ANKRD30A: variants seen among roughly 807,000 people sequenced by gnomAD.
The protein encoded by ANKRD30A is ankyrin repeat domain-containing protein 30A.
ANKRD30A carries 170 observed loss-of-function variants against 166.3 expected under a neutral mutation model. That is an observed-to-expected ratio of 1.02 (90% CI 0.90 to 1.16). The LOEUF (loss-of-function observed/expected upper bound fraction) is 1.16. Ranked by LOEUF, ANKRD30A falls within the 50% of genes most tolerant of loss-of-function variation. ANKRD30A has a pLI of 0.00. For synonymous variants in ANKRD30A, 564 were observed against 508.9 expected (o/e 1.11, Z -1.46); for missense variants, 1,630 against 1,518.0 (o/e 1.07, Z -1.23).
At chr10:37,206,719 A>G (rs556175219) in intron 31 of ANKRD30A, among the ~76,000 whole-genome samples, 3 of 152,164 alleles carry the variant, frequency 2.0e-5, no homozygotes, top group African/African-American at 7.2e-5. Flanking sequence ...GCTTGAACCC[A>G]GGGGGCAGAG....
intron 15 of ANKRD30A, among the ~76,000 whole-genome samples, chr10:37,162,150 AC>A (rs1379263923): frequency 1.6e-4 from 24 of 152,286 alleles, no homozygotes; most frequent in South Asian, 6.2e-4. Context: ...ATGGAAAAAA[AC>A]AAATATTCAT....
At chr10:37,220,665 T>C (rs576435094) in intron 34 of ANKRD30A, among the ~76,000 whole-genome samples, 1 of 151,332 alleles carries the variant, frequency 6.6e-6, no homozygotes, top group African/African-American at 2.4e-5. Flanking sequence ...AATAATTTGC[T>C]CATAATTTCT....
chr10:37,190,163 G>A (rs912416609), intron 25 of ANKRD30A, among the ~76,000 whole-genome samples: 1 of 151,864 alleles, frequency 6.6e-6, no homozygotes, highest in African/African-American at 2.4e-5. Context: ...TATACACTCT[G>A]TATAGACCAG....
At chr10:37,196,910 A>C (rs1841177615) in intron 27 of ANKRD30A, among the ~76,000 whole-genome samples, 1 of 152,206 alleles carries the variant, frequency 6.6e-6, no homozygotes, top group Non-Finnish European at 1.5e-5. Context: ...CTTTCCGAAG[A>C]TAGGCTATGT....
chr10:37,192,366 T>C (rs554872743), intron 25 of ANKRD30A, among the ~76,000 whole-genome samples: 22 of 152,124 alleles, frequency 1.4e-4, no homozygotes, highest in Middle Eastern at 3.4e-3. Context: ...TTGATGGGTA[T>C]GCTTGGACCT....
intron 29 of ANKRD30A, among the ~76,000 whole-genome samples, chr10:37,198,238 AT>A (rs1033553714): frequency 2.0e-5 from 3 of 152,120 alleles, no homozygotes; most frequent in African/African-American, 7.2e-5. Flanking sequence ...AATATGTACA[AT>A]TTTTTTCAAC....
chr10:37,216,420 T>C (rs1182287829), intron 32 of ANKRD30A, 26 bp downstream of exon 32: 22 of 1,552,542 alleles, frequency 1.4e-5, no homozygotes, highest in Non-Finnish European at 1.7e-5. Context: ...TTTAAATAAA[T>C]ATTTCAGCTA....
intron 33 of ANKRD30A, 92 bp downstream of exon 33, chr10:37,217,970 G>C (rs778391349): frequency 2.3e-5 from 21 of 895,066 alleles, no homozygotes; most frequent in Non-Finnish European, 3.1e-5. Context: ...GTATTATTCA[G>C]GTCTAAATCA....
intron 34 of ANKRD30A, among the ~76,000 whole-genome samples, chr10:37,229,536 C>T (rs2132764217): frequency 6.6e-6 from 1 of 151,996 alleles, no homozygotes; most frequent in Middle Eastern, 3.4e-3. Flanking sequence ...GTTTTGGAAG[C>T]ATATCATAAA....
intron 34 of ANKRD30A, among the ~76,000 whole-genome samples, chr10:37,225,993 T>C (rs1326514427): frequency 6.6e-6 from 1 of 151,794 alleles, no homozygotes; most frequent in Non-Finnish European, 1.5e-5. Flanking sequence ...ACCACCGATC[T>C]ACTGTGTTTG....
At chr10:37,247,113 A>G in the ANKRD30A span, among the ~76,000 whole-genome samples, 1 of 152,336 alleles carries the variant, frequency 6.6e-6, no homozygotes, top group South Asian at 2.1e-4. Context: ...ATCTCATTCT[A>G]TGAAATACAA....
the ANKRD30A span, among the ~76,000 whole-genome samples, chr10:37,252,514 T>C: frequency 6.6e-6 from 1 of 152,214 alleles, no homozygotes; most frequent in Non-Finnish European, 1.5e-5. Context: ...ACCTATAGCT[T>C]ATTACTGTTC....
At position 37,201,250 on chromosome 10, in the gene ANKRD30A, G is replaced by A. The variant is rs1362959825; in HGVS notation, c.2794G>A (p.Val932Ile). 4.4e-6 allele frequency: 7 copies of A among 1,584,476 alleles called. No individual in the cohort carries two copies. Among genetic ancestry groups the A allele is most frequent in the Admixed American group, 3.7e-5 (2 of 54,268 alleles). The part of the protein sequence containing the change: ...SWDSESLRET[V>I]SQKDVCVPKA... ...CTTTTAACAGAGTCTCCGTGAGACT[G>A]TTTCACAGAAGGATGTGTGTGTACC... The change falls in exon 31 of 36, where the codon GTT (valine) becomes ATT (isoleucine). Residue 932 changes from valine (V) to isoleucine (I), a missense_variant. Val to Ile is a conservative substitution (Grantham distance 29). Around this residue, in one of 4 missense-constraint regions of ANKRD30A, gnomAD observed 712 missense variants for 629.3 expected, o/e 1.13. Coordinates refer to ENST00000361713, the MANE Select transcript of ANKRD30A (RefSeq NM_052997.3).
At chr10:37,237,587 T>A in the ANKRD30A span, among the ~76,000 whole-genome samples, 1 of 152,182 alleles carries the variant, frequency 6.6e-6, no homozygotes, top group Non-Finnish European at 1.5e-5. Context: ...ATGTATAATT[T>A]TCTCACCTTC....
intron 3 of ANKRD30A, among the ~76,000 whole-genome samples, chr10:37,131,634 T>C (rs887423412): frequency 6.6e-6 from 1 of 152,166 alleles, no homozygotes. Context: ...AGAGGAAACC[T>C]CCATTTTTCT....
rs184184407 is a variant in ANKRD30A at position 37,137,682 on chromosome 10, C to T, written c.820+1011C>T. ...GGTGACAGTGAGGTTGGGGGAGGGA[C>T]GCTTACCATTGCCGAGGCTTGAGTA... On this transcript the variant is annotated intron_variant, in intron 6 of 35. Coordinates refer to ENST00000361713, the MANE Select transcript of ANKRD30A (RefSeq NM_052997.3). Among the ~76,000 whole-genome samples the T allele has an allele frequency of 1.8e-3, 277 of 152,246 alleles. 2 individuals carry two copies. The highest frequency in any genetic ancestry group is 0.016 in the Admixed American group (247 of 15,302).
At chr10:37,196,381 A>G (rs1588899238) in intron 27 of ANKRD30A, among the ~76,000 whole-genome samples, 1 of 152,136 alleles carries the variant, frequency 6.6e-6, no homozygotes, top group African/African-American at 2.4e-5. Context: ...AGCTATTGAA[A>G]TGAGATATAT....
rs749744213 is a variant in ANKRD30A at position 37,130,323 on chromosome 10, T to C, written c.455T>C (p.Leu152Ser). ...CATTATGCTGTTTATAGTGAGATTT[T>C]GTCAGTGGTGGCAAAACTGCTGTCC... ...ALHYAVYSEI[L>S]SVVAKLLSHG... Residue 152 changes from leucine (L) to serine (S), a missense_variant, in exon 3 of 36, where the codon TTG (leucine) becomes TCG (serine). Transcript: ENST00000361713. 2 of 1,589,254 alleles carry C rather than the reference T, an allele frequency of 1.3e-6. No homozygotes were observed. Among genetic ancestry groups the C allele is most frequent in the Non-Finnish European group, 1.7e-6 (2 of 1,168,504 alleles).
At chr10:37,145,703 A>G (rs1207000987) in intron 8 of ANKRD30A, among the ~76,000 whole-genome samples, 3 of 152,242 alleles carry the variant, frequency 2.0e-5, no homozygotes, top group African/African-American at 7.2e-5. Context: ...TTGGGCAATT[A>G]TATGACTCAG....
Sources: allele counts gnomAD v4.1 joint callset (sites outside exome capture counted in the v4.1 genomes callset), GRCh38; gene constraint gnomAD v4.1.1; regional missense constraint gnomAD v4.1.1; transcripts MANE v1.5; gene names NCBI Gene and HGNC (gene_info 2026-07-23, HGNC 2026-07-21).